PIK3CB: variants seen among roughly 807,000 people sequenced by gnomAD.
PIK3CB encodes the protein phosphatidylinositol 4,5-bisphosphate 3-kinase catalytic subunit beta isoform.
In PIK3CB, 39 loss-of-function variants were observed where a neutral mutation model predicts 136.8. The observed-to-expected ratio is 0.29, with a 90% CI of 0.22 to 0.37. The LOEUF (loss-of-function observed/expected upper bound fraction) is 0.37, where lower values mean the gene tolerates loss of function less well. Ranked by LOEUF, PIK3CB falls within the 10% of genes least tolerant of loss-of-function variation. The pLI is 1.00. For synonymous variants in PIK3CB, 428 were observed against 436.6 expected (o/e 0.98, Z 0.25); for missense variants, 868 against 1,275.4 (o/e 0.68, Z 4.87).
chr3:138,697,666 G>C (rs1282940357), intron 13 of PIK3CB, among the ~76,000 whole-genome samples: 4 of 150,830 alleles, frequency 2.7e-5, no homozygotes, highest in African/African-American at 9.8e-5. Context: ...TTGCTGAGCT[G>C]GTCTCAACCT....
At chr3:138,665,481 C>G (rs543503201) in intron 19 of PIK3CB, among the ~76,000 whole-genome samples, 7 of 152,252 alleles carry the variant, frequency 4.6e-5, no homozygotes, top group Admixed American at 3.9e-4. Flanking sequence ...TGTAGGTGGA[C>G]AGAAGTACAT....
intron 8 of PIK3CB, among the ~76,000 whole-genome samples, chr3:138,717,273 A>T (rs1014301402): frequency 1.3e-5 from 2 of 151,428 alleles, no homozygotes; most frequent in Non-Finnish European, 2.9e-5. Context: ...AAAAAAAAAG[A>T]AGTAGTTTAT....
intron 19 of PIK3CB, among the ~76,000 whole-genome samples, chr3:138,672,906 C>T (rs1228979870): frequency 2.1e-4 from 24 of 115,410 alleles, no homozygotes; most frequent in African/African-American, 7.3e-4. Context: ...AGTGAGACTC[C>T]GTTGAAAAAA....
At chr3:138,806,544 G>A (rs1173418674) in intron 1 of PIK3CB, among the ~76,000 whole-genome samples, 1 of 152,136 alleles carries the variant, frequency 6.6e-6, no homozygotes, top group Non-Finnish European at 1.5e-5. Context: ...ATGCTCAGCA[G>A]AACAGGGATT....
chr3:138,790,845 CCCAGCTA>C (rs1340238949), intron 2 of PIK3CB, among the ~76,000 whole-genome samples: 2,021 of 150,640 alleles, frequency 0.013, 41 homozygotes, highest in Middle Eastern at 0.041. Context: ...AACCCTGAGT[CCCAGCTA>C]CTCAGGAGGC....
intron 4 of PIK3CB, among the ~76,000 whole-genome samples, chr3:138,745,357 C>T (rs1049895344): frequency 2.0e-5 from 3 of 152,166 alleles, no homozygotes; most frequent in Non-Finnish European, 2.9e-5. Flanking sequence ...CACAGTGGCT[C>T]ACACCTATAA....
chr3:138,678,756 G>C (rs1462429915), intron 19 of PIK3CB, among the ~76,000 whole-genome samples: 4 of 152,180 alleles, frequency 2.6e-5, no homozygotes, highest in South Asian at 2.1e-4. Flanking sequence ...AAATTACTAG[G>C]GATTAAGAGG....
At chr3:138,730,104 T>C (rs1576364970) in intron 8 of PIK3CB, among the ~76,000 whole-genome samples, 1 of 152,106 alleles carries the variant, frequency 6.6e-6, no homozygotes, top group Non-Finnish European at 1.5e-5. Flanking sequence ...TTCAACTATA[T>C]AATCCTGCTG....
intron 8 of PIK3CB, among the ~76,000 whole-genome samples, chr3:138,733,099 A>C (rs2045022166): frequency 6.6e-6 from 1 of 150,574 alleles, no homozygotes; most frequent in Admixed American, 6.6e-5. Flanking sequence ...TATATAGAAG[A>C]AATATGTAAT....
intron 2 of PIK3CB, among the ~76,000 whole-genome samples, chr3:138,788,404 C>A (rs887481605): frequency 2.0e-5 from 3 of 152,000 alleles, no homozygotes; most frequent in Admixed American, 1.3e-4. Flanking sequence ...CGCCTGTAAT[C>A]CCAGCACTTT....
At chr3:138,735,393 T>G (rs2045081915) in intron 6 of PIK3CB, among the ~76,000 whole-genome samples, 1 of 152,142 alleles carries the variant, frequency 6.6e-6, no homozygotes, top group African/African-American at 2.4e-5. Flanking sequence ...GAAATGAAAC[T>G]CAGAAGGGTT....
intron 1 of PIK3CB, among the ~76,000 whole-genome samples, chr3:138,804,449 A>T (rs570042941): frequency 6.6e-6 from 1 of 152,222 alleles, no homozygotes; most frequent in African/African-American, 2.4e-5. Flanking sequence ...AAGAAGGTTG[A>T]GGCTGCAGTG....
chr3:138,753,341 T>C (rs2045507705), intron 4 of PIK3CB, among the ~76,000 whole-genome samples: 2 of 151,990 alleles, frequency 1.3e-5, no homozygotes, highest in South Asian at 4.1e-4. Context: ...TCCAACATGG[T>C]GAAACCCTGT....
intron 1 of PIK3CB, among the ~76,000 whole-genome samples, chr3:138,813,570 A>T (rs1933173046): frequency 6.6e-6 from 1 of 150,678 alleles, no homozygotes; most frequent in Non-Finnish European, 1.5e-5. Context: ...GGCGCCCACC[A>T]CCACACCCAC....
chr3:138,830,446 G>A (rs894461281), intron 1 of PIK3CB, among the ~76,000 whole-genome samples: 1 of 152,048 alleles, frequency 6.6e-6, no homozygotes, highest in Non-Finnish European at 1.5e-5. Context: ...CCAGCTACTC[G>A]GGAGGCTGAG....
At chr3:138,809,694 G>A (rs753843982) in intron 1 of PIK3CB, among the ~76,000 whole-genome samples, 2 of 151,712 alleles carry the variant, frequency 1.3e-5, no homozygotes, top group Admixed American at 6.6e-5. Flanking sequence ...AAGAGGAAGC[G>A]AGAATGGACT....
intron 1 of PIK3CB, among the ~76,000 whole-genome samples, chr3:138,833,741 ACT>A (rs1293018664): frequency 3.3e-5 from 5 of 152,140 alleles, no homozygotes; most frequent in African/African-American, 1.2e-4. Context: ...TGTGTTTATA[ACT>A]CTGTAACAAG....
chr3:138,660,503 G>A (rs913563611), intron 21 of PIK3CB, among the ~76,000 whole-genome samples: 2 of 151,998 alleles, frequency 1.3e-5, no homozygotes, highest in African/African-American at 4.8e-5. Context: ...TATCTTTCAT[G>A]GTAGAGGTTT....
chr3:138,660,948 A>C (rs2043284978), intron 21 of PIK3CB, among the ~76,000 whole-genome samples: 1 of 152,192 alleles, frequency 6.6e-6, no homozygotes, highest in Non-Finnish European at 1.5e-5. Flanking sequence ...ACTTCCTTGT[A>C]TAGAAACTAG....
Sources: gnomAD v4.1 joint callset for allele counts (sites outside exome capture counted in the v4.1 genomes callset) on GRCh38, gnomAD v4.1.1 for gene constraint, MANE v1.5 for transcripts, NCBI Gene and HGNC (gene_info 2026-07-23, HGNC 2026-07-21) for gene names.